Variants in LDHA observed in about 807,000 individuals in gnomAD.
The protein encoded by LDHA is L-lactate dehydrogenase A chain.
LDHA carries 10 observed loss-of-function variants against 36.3 expected under a neutral mutation model. The ratio of observed to expected loss-of-function variants is 0.28; its 90% confidence interval spans 0.17 to 0.47. The LOEUF is 0.47. Among genes scored for constraint, LDHA ranks in the 20% least tolerant of loss-of-function variants. The probability of loss-of-function intolerance (pLI) is 0.99; values close to 1 mark genes in which losing one functional copy is unlikely to be tolerated. For missense variants in LDHA, 267 were observed against 405.8 expected, an observed-to-expected ratio of 0.66 and a Z score of 2.94; for synonymous variants, 110 against 136.7, an observed-to-expected ratio of 0.80 and a Z score of 1.36.
At position 18,407,788 on chromosome 11, in the gene LDHA, A is replaced by G. The variant is rs199522034; in HGVS notation, c.*507A>G. ...ATGTAAAAAGATCTACATACAAACA[A>G]TGCAACCAACTATCCAAGTGTTATA... On this transcript the variant is annotated 3_prime_UTR_variant, in exon 8 of 8. Transcript: ENST00000422447. The G allele has an allele frequency of 2.4e-5, 11 of 456,096 alleles. No homozygotes were observed. The highest frequency in any genetic ancestry group is 1.4e-4 in the East Asian group (2 of 14,502). The allele number at this position is 456,096 out of a possible 1,614,324, so 28.3% of individuals were successfully genotyped here. A position where few individuals can be genotyped will look rare whatever the true frequency, so the allele number is the denominator to read the frequency against.
chr11:18,403,334 T>C (rs1866567344), intron 5 of LDHA, among the ~76,000 whole-genome samples: 1 of 152,184 alleles, frequency 6.6e-6, no homozygotes, highest in African/African-American at 2.4e-5. Flanking sequence ...CCTGAAAAGA[T>C]GAGCAAATCC....
chr11:18,403,992 G>A (rs1167072881), intron 6 of LDHA, among the ~76,000 whole-genome samples, 181 bp downstream of exon 6: 5 of 152,170 alleles, frequency 3.3e-5, no homozygotes, highest in African/African-American at 1.2e-4. Flanking sequence ...GTGCAGTGGC[G>A]CAATCTTGGC....
At chr11:18,397,885 T>C (rs1830425) in intron 2 of LDHA, among the ~76,000 whole-genome samples, 74,272 of 151,896 alleles carry the variant, frequency 0.49, 19,504 homozygotes, top group South Asian at 0.62. Context: ...TAAATAGAAA[T>C]GGATTCAAGT....
At chr11:18,401,107 T>A (rs927676436) in intron 4 of LDHA, 97 bp downstream of exon 4, 16 of 477,986 alleles carry the variant, frequency 3.3e-5, no homozygotes, top group South Asian at 1.7e-4. Context: ...TGAAATATTT[T>A]AAAAAATACA....
intron 7 of LDHA, 67 bp from the exon 8 acceptor site, chr11:18,407,050 A>G: frequency 3.2e-6 from 4 of 1,231,884 alleles, no homozygotes; most frequent in Non-Finnish European, 4.7e-6. Flanking sequence ...TAGAGACTGT[A>G]AGTCTTGGGA....
intron 3 of LDHA, chr11:18,400,263 A>T (rs1001892032): frequency 4.9e-6 from 1 of 204,802 alleles, no homozygotes; most frequent in Admixed American, 5.3e-5. Flanking sequence ...ATGTGAGCCC[A>T]AATAGTGTCT....
rs957884983 is a variant in LDHA, at chr11:18,407,949, A to G, written c.*668A>G. On this transcript the variant is annotated 3_prime_UTR_variant, in exon 8 of 8. Coordinates refer to ENST00000422447, the MANE Select transcript of LDHA (RefSeq NM_005566.4). ...GCTATTCTTGGGCAACCCTGCAACG[A>G]TTTTTTCTAACAGGGATATTATTGA... 3 of 453,952 alleles carry G rather than the reference A, an allele frequency of 6.6e-6. No homozygotes were observed. The highest frequency in any genetic ancestry group is 6.0e-5 in the African/African-American group (3 of 49,980). 28.1% of individuals were successfully genotyped at this position (453,952 alleles called of 1,614,324 possible).
intron 4 of LDHA, among the ~76,000 whole-genome samples, chr11:18,401,480 T>TTTTTC (rs1866497231): frequency 2.2e-5 from 2 of 90,702 alleles, no homozygotes; most frequent in Non-Finnish European, 4.4e-5. Flanking sequence ...TTTCTTTTTT[T>TTTTTC]TTTTTTTTTT....
At chr11:18,394,663 G>C (rs986991541) in intron 1 of LDHA, 27 bp downstream of exon 1, 1 of 453,672 alleles carries the variant, frequency 2.2e-6, no homozygotes, top group Non-Finnish European at 4.4e-6. Context: ...CGCGCACGGC[G>C]CCAGAGGGAT....
chr11:18,403,887 G>C, intron 6 of LDHA, 76 bp downstream of exon 6: 1 of 907,852 alleles, frequency 1.1e-6, no homozygotes, highest in Admixed American at 1.8e-5. Context: ...AATTGTAATA[G>C]TATTTGCATT....
chr11:18,396,610 G>T, intron 1 of LDHA: 1 of 1,393,704 alleles, frequency 7.2e-7, no homozygotes, highest in Non-Finnish European at 9.3e-7. Flanking sequence ...TCCACGCTAA[G>T]GTATGGGCCT....
In LDHA at chr11:18,400,973, C is replaced by T. The variant is rs201958008; in HGVS notation, c.381C>T (p.Tyr127=). The T allele has an allele frequency of 8.7e-6, 14 of 1,613,342 alleles. No individual in the cohort carries two copies. Among genetic ancestry groups the T allele is most frequent in the Non-Finnish European group, 1.1e-5 (13 of 1,179,640 alleles). Residue 127 remains tyrosine, a synonymous_variant, in exon 4 of 8, where the codon TAC becomes TAT. Transcript: ENST00000422447. ...FKFIIPNVVK[Y]SPNCKLLIVS... The stretch of plus-strand genomic sequence containing the variant: ...TCATCATTCCTAATGTTGTAAAATA[C>T]AGCCCGAACTGCAAGTTGCTTATTG...
At chr11:18,396,593 T>G in intron 1 of LDHA, 1 of 1,382,476 alleles carries the variant, frequency 7.2e-7, no homozygotes, top group Non-Finnish European at 9.3e-7. Context: ...AACGTCGATA[T>G]TCCTTTTCCA....
At position 18,401,680 on chromosome 11, in the gene LDHA, G is replaced by T. The variant is rs907202369; in HGVS notation, c.418+670G>T. Among the ~76,000 whole-genome samples the T allele has an allele frequency of 1.7e-3, 256 of 148,258 alleles. 1 individual carries two copies. The highest frequency in any genetic ancestry group is 0.011 in the Middle Eastern group (3 of 274). ...TTTTAGTAGAGACGGGGTTTCATCA[G>T]GTTAGCCAGGATGGTCTCGATCTCC... On this transcript the variant is annotated intron_variant, in intron 4 of 7. Coordinates refer to ENST00000422447, the MANE Select transcript of LDHA (RefSeq NM_005566.4).
At position 18,396,897 on chromosome 11, in the gene LDHA, C is replaced by G. The variant is rs772645002; in HGVS notation, c.55C>G (p.Pro19Ala). The G allele has an allele frequency of 1.2e-6, 2 of 1,613,670 alleles. No homozygotes were observed. The highest frequency in any genetic ancestry group is 2.7e-5 in the African/African-American group (2 of 74,892). ...TAATCTTCTAAAGGAAGAACAGACC[C>G]CCCAGAATAAGATTACAGTTGTTGG... ...IYNLLKEEQT[P>A]QNKITVVGVG... The change falls in exon 2 of 8, where the codon CCC (proline) becomes GCC (alanine). Residue 19 changes from proline to alanine, a missense_variant. Coordinates refer to ENST00000422447, the MANE Select transcript of LDHA (RefSeq NM_005566.4).
Position 18,407,412 on chromosome 11 carries a change from C to T in LDHA, c.*131C>T, listed in dbSNP as rs1234935573. 7 of 1,547,522 alleles carry T rather than the reference C, an allele frequency of 4.5e-6. No individual in the cohort carries two copies. In the Admixed American group the frequency reaches 1.1e-4, roughly 25 times the overall value. On this transcript the variant is annotated 3_prime_UTR_variant, in exon 8 of 8. Coordinates refer to ENST00000422447, the MANE Select transcript of LDHA (RefSeq NM_005566.4). ...TTTTAAGATGGACTGGGAAAAACAT[C>T]AACTCCTGAAGTTAGAAATAAGAAT... is the stretch of plus-strand genomic sequence containing the variant.
chr11:18,403,750 G>C lies in LDHA; in HGVS notation c.649G>C (p.Asp217His). The C allele has an allele frequency of 6.2e-7, 1 of 1,612,346 alleles. No individual in the cohort carries two copies. Among genetic ancestry groups the C allele is most frequent in the Non-Finnish European group, 8.5e-7 (1 of 1,178,360 alleles). ...TGTCTCTCTGAAGACTCTGCACCCA[G>C]ATTTAGGGACTGATAAAGATAAGGA... ...AGVSLKTLHP[D>H]LGTDKDKEQW... The change falls in exon 6 of 8, where the codon GAT (aspartate) becomes CAT (histidine). Residue 217 changes from aspartate to histidine, a missense_variant. Coordinates refer to ENST00000422447, the MANE Select transcript of LDHA (RefSeq NM_005566.4).
At chr11:18,402,467 A>C in intron 4 of LDHA, 1 of 206,308 alleles carries the variant, frequency 4.8e-6, no homozygotes, top group Non-Finnish European at 9.4e-6. Context: ...CTAGTTTGTT[A>C]AAAGTTTTTT....
At position 18,396,974 on chromosome 11, in the gene LDHA, TGA is replaced by T. The variant is rs758710600; in HGVS notation, c.126+10_126+11del. On this transcript the variant is annotated splice_region_variant and intron_variant, in intron 2 of 7. Transcript: ENST00000422447. ...CCATCAGTATCTTAATGAAGGTAAGTGAGAGTCTACCACACTGGAAGCCCATA... is the reference window on the plus strand; with the variant it reads ...CCATCAGTATCTTAATGAAGGTAAGTGAGTCTACCACACTGGAAGCCCATA... The T allele has an allele frequency of 3.1e-6, 5 of 1,613,504 alleles. No homozygotes were observed. The highest frequency in any genetic ancestry group is 2.2e-5 in the East Asian group (1 of 44,876).
Sources: gnomAD v4.1 joint callset for allele counts (sites outside exome capture counted in the v4.1 genomes callset) on GRCh38, gnomAD v4.1.1 for gene constraint, MANE v1.5 for transcripts, NCBI Gene and HGNC (gene_info 2026-07-23, HGNC 2026-07-21) for gene names.